The following ITPR2 variants were observed in gnomAD, a reference collection of about 807,000 sequenced individuals.
ITPR2 encodes the protein inositol 1,4,5-trisphosphate-gated calcium channel ITPR2.
A neutral mutation model predicts 317.1 loss-of-function variants in ITPR2; 207 were observed. The observed-to-expected ratio is 0.65, with a 90% CI of 0.58 to 0.73. ITPR2 has a LOEUF of 0.73. Ranked by LOEUF, ITPR2 falls within the 30% of genes least tolerant of loss-of-function variation. ITPR2 has a pLI of 0.00. For missense variants in ITPR2, 2,613 were observed against 3,284.0 expected (o/e 0.80, Z 4.99); for synonymous variants, 1,156 against 1,149.1 (o/e 1.01, Z -0.12).
intron 2 of ITPR2, among the ~76,000 whole-genome samples, chr12:26,768,569 TATAAA>T (rs1277731698): frequency 1.4e-3 from 20 of 14,626 alleles, no homozygotes; most frequent in Non-Finnish European, 2.7e-3. Context: ...TACAAATATA[TATAAA>T]AAAAAAAAAA....
chr12:26,423,116 T>C (rs979931195), intron 49 of ITPR2, among the ~76,000 whole-genome samples: 12 of 152,154 alleles, frequency 7.9e-5, no homozygotes, highest in African/African-American at 2.4e-4. Flanking sequence ...AACCCCAGCG[T>C]TGGAGCAGTT....
At chr12:26,417,765 C>T (rs940654851) in intron 50 of ITPR2, among the ~76,000 whole-genome samples, 3 of 148,496 alleles carry the variant, frequency 2.0e-5, no homozygotes, top group African/African-American at 7.4e-5. Context: ...CTTGATATTC[C>T]TATCCATTTT....
At chr12:26,593,899 T>C (rs1349634642) in intron 32 of ITPR2, among the ~76,000 whole-genome samples, 1 of 152,260 alleles carries the variant, frequency 6.6e-6, no homozygotes, top group Admixed American at 6.5e-5. Context: ...TTATAGCTCA[T>C]GCTGCCTACA....
At position 26,422,288 on chromosome 12, in the gene ITPR2, AATT is replaced by A. The variant is rs914041340; in HGVS notation, c.6946-3078_6946-3076del. Among the ~76,000 whole-genome samples, 32 of 149,636 alleles carry A rather than the reference AATT, an allele frequency of 2.1e-4. No homozygotes were observed. In the East Asian group the frequency reaches 5.5e-3, roughly 26 times the overall value. On this transcript the variant is annotated intron_variant, in intron 49 of 56. Coordinates refer to ENST00000381340, the MANE Select transcript of ITPR2 (RefSeq NM_002223.4). ...AATAATTATTATTGAATTATTGAAT[AATT>A]ATTATTGAATAATAATAATACTTTA...
intron 1 of ITPR2, among the ~76,000 whole-genome samples, chr12:26,828,498 G>T (rs544830407): frequency 2.0e-5 from 3 of 152,050 alleles, no homozygotes; most frequent in Non-Finnish European, 4.4e-5. Context: ...CAAGCATGAC[G>T]GACCATTAAA....
At chr12:26,678,216 G>A (rs1239476097) in intron 13 of ITPR2, among the ~76,000 whole-genome samples, 1 of 152,194 alleles carries the variant, frequency 6.6e-6, no homozygotes, top group African/African-American at 2.4e-5. Context: ...CTGGATGGCA[G>A]TTAACACCCC....
Position 26,510,655 on chromosome 12 carries a change from A to G in ITPR2, c.5074-15395T>C, listed in dbSNP as rs115570741. Among the ~76,000 whole-genome samples the G allele has an allele frequency of 6.1e-3, 924 of 152,350 alleles. 10 individuals carry two copies. The highest frequency in any genetic ancestry group is 0.021 in the African/African-American group (884 of 41,588). On this transcript the variant is annotated intron_variant, in intron 37 of 56. Coordinates refer to ENST00000381340, the MANE Select transcript of ITPR2 (RefSeq NM_002223.4). ...ATCTAGTCATTACAGGAGGACCCGC[A>G]GGAGTAAGGTGAAGAACACAAATTG...
intron 9 of ITPR2, among the ~76,000 whole-genome samples, chr12:26,707,413 AT>A (rs1948571502): frequency 1.3e-5 from 2 of 152,244 alleles, no homozygotes. Context: ...TCGCCTAAGA[AT>A]AAGGGTACAG....
chr12:26,651,383 ATAATT>A (rs1255031246), intron 21 of ITPR2, among the ~76,000 whole-genome samples: 9 of 152,194 alleles, frequency 5.9e-5, no homozygotes, highest in Non-Finnish European at 7.3e-5. Context: ...TTGACACCTT[ATAATT>A]TAATCTGTAT....
intron 10 of ITPR2, among the ~76,000 whole-genome samples, chr12:26,689,320 A>C (rs1460185919): frequency 6.6e-6 from 1 of 152,088 alleles, no homozygotes; most frequent in East Asian, 1.9e-4. Flanking sequence ...AGGAGCCTGT[A>C]GTGGGAGGAT....
chr12:26,513,807 G>A (rs1425652074), intron 37 of ITPR2, among the ~76,000 whole-genome samples: 1 of 151,604 alleles, frequency 6.6e-6, no homozygotes. Context: ...CCCCGCCGTG[G>A]TAGTCCCTGA....
At position 26,722,485 on chromosome 12, in the gene ITPR2, G is replaced by C. The variant is rs776393999; in HGVS notation, c.437C>G (p.Ala146Gly). The C allele has an allele frequency of 6.2e-7, 1 of 1,612,954 alleles. No individual in the cohort carries two copies. The highest frequency in any genetic ancestry group is 8.5e-7 in the Non-Finnish European group (1 of 1,179,224). Residue 146 changes from alanine to glycine, a missense_variant, in exon 5 of 57, where the codon GCC (alanine) becomes GGC (glycine). By Grantham distance (60) the Ala-to-Gly change is moderately conservative. This residue lies in a region of ITPR2 where 515 missense variants were observed against 789.4 expected (regional missense o/e 0.65). Transcript: ENST00000381340. ...KRLPALLEKN[A>G]MRVSLDAAGN... ...TGCAGCATCCAAGGACACACGCATG[G>C]CATTCTTCTCCAGTAAAGCAGGTAA...
chr12:26,817,180 C>CA (rs11422176), intron 1 of ITPR2, among the ~76,000 whole-genome samples: 29,582 of 56,648 alleles, frequency 0.52, 7,868 homozygotes, highest in African/African-American at 0.64. Context: ...GAGTCTCTTT[C>CA]AAAAAAAAAA....
intron 52 of ITPR2, among the ~76,000 whole-genome samples, chr12:26,401,867 AT>A (rs1405993782): frequency 6.6e-6 from 1 of 152,252 alleles, no homozygotes; most frequent in Admixed American, 6.5e-5. Flanking sequence ...CTTTTAAAAC[AT>A]GCTGGGATAC....
intron 45 of ITPR2, among the ~76,000 whole-genome samples, chr12:26,449,832 G>A (rs1228686726): frequency 3.3e-5 from 5 of 152,088 alleles, no homozygotes; most frequent in African/African-American, 1.2e-4. Context: ...ACTGTGGTGG[G>A]CTGAATTGTG....
In ITPR2 at chr12:26,399,020, C is replaced by G. The variant is rs1308831361; in HGVS notation, c.7552G>C (p.Val2518Leu). The change falls in exon 54 of 57, where the codon GTG becomes CTG. Residue 2518 changes from valine (V) to leucine (L), a missense_variant. Val to Leu is a conservative substitution (Grantham distance 32). This residue lies in a region of ITPR2 where 113 missense variants were observed against 129.2 expected (regional missense o/e 0.87). Transcript: ENST00000381340. ...SKDEPLFAAR[V>L]VYDLLFYFIV... The stretch of plus-strand genomic sequence containing the variant: ...AAATAAAAAAGAAGGTCATAAACCA[C>G]TCGGGCAGCAAACAAGGGCTCCTGA... 6.3e-7 allele frequency: 1 copy of G among 1,584,170 alleles called. No individual in the cohort carries two copies. Among genetic ancestry groups the G allele is most frequent in the South Asian group, 1.2e-5 (1 of 84,934 alleles).
chr12:26,446,124 G>A (rs1941604966), intron 45 of ITPR2, among the ~76,000 whole-genome samples: 1 of 152,098 alleles, frequency 6.6e-6, no homozygotes, highest in Admixed American at 6.6e-5. Context: ...TGATAATGAG[G>A]ACGAGAGAGG....
intron 34 of ITPR2, among the ~76,000 whole-genome samples, chr12:26,566,325 G>A (rs1944984807): frequency 1.4e-5 from 2 of 141,458 alleles, no homozygotes; most frequent in African/African-American, 5.3e-5. Flanking sequence ...AGAGTGAGAG[G>A]AGAGGGAGAG....
intron 54 of ITPR2, among the ~76,000 whole-genome samples, chr12:26,391,690 G>C (rs926784320): frequency 4.0e-5 from 6 of 148,350 alleles, no homozygotes; most frequent in African/African-American, 1.5e-4. Flanking sequence ...TCAGCCTCCC[G>C]AGTAGCTGGG....
Sources: gnomAD v4.1 joint callset for allele counts (sites outside exome capture counted in the v4.1 genomes callset) on GRCh38, gnomAD v4.1.1 for gene constraint, gnomAD v4.1.1 regional missense constraint, MANE v1.5 for transcripts, NCBI Gene and HGNC (gene_info 2026-07-23, HGNC 2026-07-21) for gene names.